Variants in DPP10 observed in about 807,000 individuals in gnomAD.
DPP10 encodes the protein dipeptidyl peptidase like 10.
Under a neutral mutation model 120.9 loss-of-function variants are expected in DPP10, and 33 were observed. The observed-to-expected ratio is 0.27, with a 90% CI of 0.21 to 0.37. The LOEUF (loss-of-function observed/expected upper bound fraction) is 0.37, where lower values mean the gene tolerates loss of function less well. Among genes scored for constraint, DPP10 ranks in the 10% least tolerant of loss-of-function variants. DPP10 has a pLI of 1.00. For synonymous variants in DPP10, 337 were observed against 326.1 expected (o/e 1.03, Z -0.36); for missense variants, 816 against 942.8 (o/e 0.87, Z 1.76).
At chr2:115,559,267 G>A (rs1293697294) in intron 5 of DPP10, among the ~76,000 whole-genome samples, 1 of 152,086 alleles carries the variant, frequency 6.6e-6, no homozygotes, top group Non-Finnish European at 1.5e-5. Flanking sequence ...TGAAAGGCAG[G>A]TTCAGTATAA....
intron 1 of DPP10, among the ~76,000 whole-genome samples, chr2:114,506,201 AC>A (rs1683644614): frequency 1.3e-5 from 2 of 152,004 alleles, no homozygotes; most frequent in South Asian, 2.1e-4. Flanking sequence ...GCCCATAAAA[AC>A]CCCAGAACTC....
chr2:115,625,775 T>A (rs1052766857), intron 5 of DPP10, among the ~76,000 whole-genome samples: 29 of 152,044 alleles, frequency 1.9e-4, no homozygotes, highest in Non-Finnish European at 2.1e-4. Context: ...CCTAAGGTGC[T>A]CATTGAATAA....
intron 1 of DPP10, among the ~76,000 whole-genome samples, chr2:115,209,273 T>C (rs2056355508): frequency 6.6e-6 from 1 of 152,142 alleles, no homozygotes; most frequent in African/African-American, 2.4e-5. Context: ...AAAATATGTC[T>C]CTGAAGGGAA....
chr2:114,573,232 C>A (rs776430849), intron 1 of DPP10, among the ~76,000 whole-genome samples: 1 of 152,192 alleles, frequency 6.6e-6, no homozygotes, highest in South Asian at 2.1e-4. Flanking sequence ...AATATTCCCA[C>A]CTTGGCTTTC....
At chr2:114,642,836 C>A (rs1307296119) in intron 1 of DPP10, among the ~76,000 whole-genome samples, 1 of 151,912 alleles carries the variant, frequency 6.6e-6, no homozygotes, top group Non-Finnish European at 1.5e-5. Flanking sequence ...CAAACAGAAC[C>A]CAGATCTCAT....
intron 4 of DPP10, among the ~76,000 whole-genome samples, chr2:115,501,231 T>C (rs2076667397): frequency 6.6e-6 from 1 of 152,104 alleles, no homozygotes. Context: ...CACAAGTCAG[T>C]GAGGTTTTCC....
At chr2:114,819,108 T>G (rs1188335853) in intron 1 of DPP10, among the ~76,000 whole-genome samples, 1 of 151,958 alleles carries the variant, frequency 6.6e-6, no homozygotes, top group African/African-American at 2.4e-5. Context: ...ACACAACTTT[T>G]AATACCAAAG....
intron 1 of DPP10, among the ~76,000 whole-genome samples, chr2:114,659,114 T>G (rs191898766): frequency 2.6e-4 from 39 of 152,288 alleles, no homozygotes; most frequent in Admixed American, 6.5e-4. Flanking sequence ...TCCTGAGGTC[T>G]CCCCAGCAAT....
At chr2:115,027,195 G>T (rs560781033) in intron 1 of DPP10, among the ~76,000 whole-genome samples, 1 of 151,920 alleles carries the variant, frequency 6.6e-6, no homozygotes, top group Non-Finnish European at 1.5e-5. Context: ...TGTATCCTGC[G>T]ACTTTACTGA....
intron 1 of DPP10, among the ~76,000 whole-genome samples, chr2:115,059,921 C>T (rs1344166759): frequency 2.0e-5 from 3 of 152,008 alleles, no homozygotes; most frequent in Non-Finnish European, 4.4e-5. Flanking sequence ...CCAAAATATG[C>T]ATCAAATTTC....
chr2:114,474,951 C>T (rs984910380), intron 1 of DPP10, among the ~76,000 whole-genome samples: 1 of 152,188 alleles, frequency 6.6e-6, no homozygotes, highest in African/African-American at 2.4e-5. Context: ...AACCTGGAGG[C>T]CTTGCCATGC....
chr2:115,190,433 G>C (rs1336808187), intron 1 of DPP10, among the ~76,000 whole-genome samples: 1 of 152,076 alleles, frequency 6.6e-6, no homozygotes, highest in Non-Finnish European at 1.5e-5. Flanking sequence ...ACTCGGCAGA[G>C]TACCCAGCAA....
intron 7 of DPP10, among the ~76,000 whole-genome samples, chr2:115,716,416 T>A (rs916108438): frequency 6.6e-6 from 1 of 152,156 alleles, no homozygotes; most frequent in South Asian, 2.1e-4. Context: ...AACAGACAGA[T>A]TAACTGAAGT....
chr2:114,664,726 G>T (rs926516946), intron 1 of DPP10, among the ~76,000 whole-genome samples: 1 of 151,806 alleles, frequency 6.6e-6, no homozygotes, highest in Non-Finnish European at 1.5e-5. Flanking sequence ...AACACAGATG[G>T]CATAGAGCAT....
At chr2:114,814,436 A>G (rs1016024309) in intron 1 of DPP10, among the ~76,000 whole-genome samples, 1 of 151,908 alleles carries the variant, frequency 6.6e-6, no homozygotes, top group South Asian at 2.1e-4. Context: ...CAATTGTAAT[A>G]TGTAATTTAA....
chr2:115,642,012 A>T (rs1382082077), intron 5 of DPP10, among the ~76,000 whole-genome samples: 1 of 152,180 alleles, frequency 6.6e-6, no homozygotes, highest in African/African-American at 2.4e-5. Flanking sequence ...CAACACCCAC[A>T]GAAAGATAGG....
intron 3 of DPP10, among the ~76,000 whole-genome samples, chr2:115,494,943 A>T (rs1174894410): frequency 6.6e-6 from 1 of 152,172 alleles, no homozygotes. Context: ...AATTAAATGC[A>T]TACTTAAATT....
At chr2:114,527,741 A>G (rs1233026298) in intron 1 of DPP10, among the ~76,000 whole-genome samples, 1 of 152,196 alleles carries the variant, frequency 6.6e-6, no homozygotes. Flanking sequence ...TACATACACA[A>G]ACCTAGATGG....
At chr2:115,204,645 T>C (rs2055991359) in intron 1 of DPP10, among the ~76,000 whole-genome samples, 1 of 152,076 alleles carries the variant, frequency 6.6e-6, no homozygotes, top group African/African-American at 2.4e-5. Flanking sequence ...CTGGCAGTAG[T>C]AACAAAAAAC....
Sources: gnomAD v4.1 joint callset for allele counts (sites outside exome capture counted in the v4.1 genomes callset) on GRCh38, gnomAD v4.1.1 for gene constraint, MANE v1.5 for transcripts, NCBI Gene and HGNC (gene_info 2026-07-23, HGNC 2026-07-21) for gene names.